The following PTPRM variants were observed in gnomAD, a reference collection of about 807,000 sequenced individuals.
PTPRM encodes protein tyrosine phosphatase receptor type M, also known as receptor-type tyrosine-protein phosphatase mu.
Under a neutral mutation model 186.7 loss-of-function variants are expected in PTPRM, and 47 were observed. The observed-to-expected ratio is 0.25, with a 90% CI of 0.20 to 0.32. The LOEUF (loss-of-function observed/expected upper bound fraction) is 0.32. Ranked by LOEUF, PTPRM falls within the 10% of genes least tolerant of loss-of-function variation. The pLI is 1.00. For synonymous variants in PTPRM, 668 were observed against 674.9 expected, an observed-to-expected ratio of 0.99 and a Z score of 0.16; for missense variants, 1,494 against 1,865.0, an observed-to-expected ratio of 0.80 and a Z score of 3.66.
intron 7 of PTPRM, among the ~76,000 whole-genome samples, chr18:8,069,218 G>A (rs985825074): frequency 2.6e-5 from 4 of 152,012 alleles, no homozygotes; most frequent in African/African-American, 9.7e-5. Context: ...GACAAGTTTG[G>A]AAGTAGGAAG....
At chr18:8,000,738 A>T (rs1288901005) in intron 7 of PTPRM, among the ~76,000 whole-genome samples, 1 of 152,238 alleles carries the variant, frequency 6.6e-6, no homozygotes, top group Non-Finnish European at 1.5e-5. Flanking sequence ...ATTTCACACC[A>T]TATATCATGA....
At position 8,161,473 on chromosome 18, in the gene PTPRM, C is replaced by A. The variant is rs150770093; in HGVS notation, c.2300+17694C>A. Among the ~76,000 whole-genome samples, 489 of 152,144 alleles carry A rather than the reference C, an allele frequency of 3.2e-3. 3 individuals are homozygous for A. Among genetic ancestry groups the A allele is most frequent in the African/African-American group, 0.011 (449 of 41,508 alleles). On this transcript the variant is annotated intron_variant, in intron 14 of 32. Transcript: ENST00000580170. ...AAGGCACCCACTGTCCAGCTTCAGG[C>A]AAGTATATTACAGTGTCACAAATCT...
chr18:8,096,018 A>C (rs139262932), intron 11 of PTPRM, among the ~76,000 whole-genome samples: 18 of 152,184 alleles, frequency 1.2e-4, no homozygotes, highest in African/African-American at 3.9e-4. Context: ...TGCTTCTCCT[A>C]CCTTCCTTAT....
At chr18:7,659,279 C>T (rs2144364075) in intron 1 of PTPRM, among the ~76,000 whole-genome samples, 1 of 152,250 alleles carries the variant, frequency 6.6e-6, no homozygotes, top group East Asian at 1.9e-4. Context: ...AATCCCTCTG[C>T]TCTGTATTCT....
At chr18:7,824,064 C>T (rs1342410574) in intron 2 of PTPRM, among the ~76,000 whole-genome samples, 1 of 152,198 alleles carries the variant, frequency 6.6e-6, no homozygotes, top group Non-Finnish European at 1.5e-5. Flanking sequence ...CTCTAACGTG[C>T]ATATCTTCCA....
At chr18:7,942,598 G>A (rs995574082) in intron 5 of PTPRM, among the ~76,000 whole-genome samples, 11 of 151,876 alleles carry the variant, frequency 7.2e-5, no homozygotes, top group Admixed American at 2.0e-4. Context: ...CCCATCTCAG[G>A]GCAGAAAGGG....
chr18:8,378,564 C>A, intron 27 of PTPRM, 150 bp downstream of exon 27: 2 of 933,122 alleles, frequency 2.1e-6, no homozygotes, highest in Non-Finnish European at 3.1e-6. Context: ...CAGAGCTCTA[C>A]CCAGGAGACG....
intron 17 of PTPRM, among the ~76,000 whole-genome samples, chr18:8,251,350 C>T (rs1324806814): frequency 6.6e-6 from 1 of 152,146 alleles, no homozygotes; most frequent in African/African-American, 2.4e-5. Context: ...ATTAATGTTC[C>T]ATTTATTTTA....
At chr18:8,394,409 C>T in intron 31 of PTPRM, 67 bp from the exon 32 acceptor site, 1 of 1,501,038 alleles carries the variant, frequency 6.7e-7, no homozygotes, top group Non-Finnish European at 9.0e-7. Flanking sequence ...AGCTTGTTTC[C>T]ACAGGTGTTT....
At chr18:8,168,748 A>G (rs569573552) in intron 14 of PTPRM, among the ~76,000 whole-genome samples, 2 of 152,346 alleles carry the variant, frequency 1.3e-5, no homozygotes, top group African/African-American at 4.8e-5. Flanking sequence ...TGATTTATGG[A>G]CCATCTACTC....
intron 2 of PTPRM, among the ~76,000 whole-genome samples, chr18:7,873,615 A>G (rs1461106437): frequency 6.6e-6 from 1 of 152,182 alleles, no homozygotes; most frequent in Admixed American, 6.5e-5. Flanking sequence ...CACCAAAAGG[A>G]GGGAGTGGGG....
At chr18:7,738,024 C>T (rs1287209892) in intron 1 of PTPRM, among the ~76,000 whole-genome samples, 2 of 152,034 alleles carry the variant, frequency 1.3e-5, no homozygotes, top group African/African-American at 4.8e-5. Context: ...TATGTTTTGC[C>T]CTTAGAGTGA....
intron 1 of PTPRM, among the ~76,000 whole-genome samples, chr18:7,671,979 A>G (rs1209233320): frequency 6.6e-6 from 1 of 152,170 alleles, no homozygotes; most frequent in African/African-American, 2.4e-5. Context: ...GTAGGGAAGA[A>G]TCTCCCTCCT....
chr18:8,074,301 C>G (rs1199556125), intron 8 of PTPRM, among the ~76,000 whole-genome samples: 3 of 152,158 alleles, frequency 2.0e-5, no homozygotes, highest in African/African-American at 7.2e-5. Flanking sequence ...GTCCATTCAC[C>G]ATTTGATAAA....
chr18:8,163,612 A>G (rs112845228), intron 14 of PTPRM, among the ~76,000 whole-genome samples: 1,978 of 152,352 alleles, frequency 0.013, 12 homozygotes, highest in African/African-American at 0.018. Flanking sequence ...CAACACTGAT[A>G]TAAAGAACAA....
At chr18:8,355,020 AAG>A (rs1184100273) in intron 23 of PTPRM, among the ~76,000 whole-genome samples, 3 of 152,204 alleles carry the variant, frequency 2.0e-5, no homozygotes, top group East Asian at 3.9e-4. Context: ...GGTACAAGAA[AAG>A]GGGAAAAGTG....
At position 7,604,156 on chromosome 18, in the gene PTPRM, G is replaced by A. The variant is rs573396972; in HGVS notation, c.73+36265G>A. ...ATCTGCTAAAATTGTCTCTTCCTTC[G>A]GAAGACTGAAAAATGATCCAGGTTG... On this transcript the variant is annotated intron_variant, in intron 1 of 32. Coordinates refer to ENST00000580170, the MANE Select transcript of PTPRM (RefSeq NM_001105244.2). Among the ~76,000 whole-genome samples the A allele has an allele frequency of 1.6e-4, 24 of 152,088 alleles. 1 individual carries two copies. Among genetic ancestry groups the A allele is most frequent in the Middle Eastern group, 3.4e-3 (1 of 294 alleles).
Position 8,264,974 on chromosome 18 carries a change from T to A in PTPRM, c.2754+11560T>A, listed in dbSNP as rs140860429. On this transcript the variant is annotated intron_variant, in intron 19 of 32. Coordinates refer to ENST00000580170, the MANE Select transcript of PTPRM (RefSeq NM_001105244.2). ...AGCAACACAAAGCCTGTGTTCTTTC[T>A]ACTGAAGCACATGACTTCTGTATGA... 2.6e-5 allele frequency among the ~76,000 whole-genome samples: 4 copies of A among 152,310 alleles called. No individual in the cohort carries two copies. In the East Asian group the frequency reaches 7.7e-4, roughly 29 times the overall value.
intron 1 of PTPRM, among the ~76,000 whole-genome samples, chr18:7,674,544 A>G (rs1430185265): frequency 2.0e-5 from 3 of 152,242 alleles, no homozygotes; most frequent in African/African-American, 7.2e-5. Context: ...AGGAGGGAGA[A>G]CACCAAAGAG....
Sources: gnomAD v4.1 joint callset for allele counts (sites outside exome capture counted in the v4.1 genomes callset) on GRCh38, gnomAD v4.1.1 for gene constraint, MANE v1.5 for transcripts, NCBI Gene and HGNC (gene_info 2026-07-23, HGNC 2026-07-21) for gene names.